S100A13: variants seen among roughly 807,000 people sequenced by gnomAD.
The protein encoded by S100A13 is protein S100-A13.
A neutral mutation model predicts 8.2 loss-of-function variants in S100A13; 6 were observed. That is an observed-to-expected ratio of 0.73 (90% CI 0.40 to 1.44). The LOEUF is 1.44. Ranked by LOEUF, S100A13 falls within the 40% of genes most tolerant of loss-of-function variation. S100A13 has a pLI of 0.02. For missense variants in S100A13, 114 were observed against 113.6 expected, an observed-to-expected ratio of 1.00 and a Z score of -0.02; for synonymous variants, 39 against 45.9, an observed-to-expected ratio of 0.85 and a Z score of 0.61.
intron 2 of S100A13, among the ~76,000 whole-genome samples, chr1:153,625,003 AGGCAGAGGT>A (rs1667517292): frequency 6.6e-6 from 1 of 152,158 alleles, no homozygotes; most frequent in African/African-American, 2.4e-5. Context: ...TGAACCCAGG[AGGCAGAGGT>A]TGCAGTGAGC....
At chr1:153,631,952 A>ACCCCAC (rs1668040673), upstream of S100A13, 14 of 1,118,792 alleles carry the variant, frequency 1.3e-5, no homozygotes, top group South Asian at 1.6e-5. Context: ...ACCCTTGCCC[A>ACCCCAC]CCCCACCCCC....
chr1:153,627,796 G>C (rs958414727), upstream of S100A13: 2 of 481,658 alleles, frequency 4.2e-6, no homozygotes, highest in African/African-American at 3.9e-5. Flanking sequence ...GTCTAATCAG[G>C]AGTGTGTATG....
intron 1 of S100A13, chr1:153,627,187 A>T (rs1383216203): frequency 1.3e-5 from 2 of 152,172 alleles, no homozygotes; most frequent in African/African-American, 4.8e-5. Context: ...GACCCCACAG[A>T]TCCTCCCCGC....
upstream of S100A13, chr1:153,630,385 G>C (rs3790411): frequency 0.56 from 677,100 of 1,209,234 alleles, 191,948 homozygotes; most frequent in Admixed American, 0.7. Context: ...ATCAATTGCA[G>C]TAGGGCTCTA....
At chr1:153,628,788 C>A, upstream of S100A13, 1 of 441,906 alleles carries the variant, frequency 2.3e-6, no homozygotes. Context: ...ACAGGGAGCC[C>A]TCAAGTCCCT....
At chr1:153,634,357 G>C (rs1668224335), upstream of S100A13, 1 of 153,060 alleles carries the variant, frequency 6.5e-6, no homozygotes, top group African/African-American at 2.4e-5. Context: ...AGTTTCGGTA[G>C]TGAGAAGGAG....
intron 2 of S100A13, among the ~76,000 whole-genome samples, chr1:153,620,151 G>A (rs1667142512): frequency 1.3e-5 from 2 of 152,080 alleles, no homozygotes; most frequent in Non-Finnish European, 2.9e-5. Flanking sequence ...GCCAGATATG[G>A]TGGTGGGAGC....
In S100A13 at chr1:153,620,000, A is replaced by C. The variant is rs561311689; in HGVS notation, c.154-962T>G. On this transcript the variant is annotated intron_variant, in intron 2 of 2. Transcript: ENST00000476133. Reference sequence around the variant, plus strand: ...AAATAAATAAGTATTAAGAAAGAAGAAGCAGGAAGGGTGCGGTGGCTCACG... The same window carrying C: ...AAATAAATAAGTATTAAGAAAGAAGCAGCAGGAAGGGTGCGGTGGCTCACG... Among the ~76,000 whole-genome samples, 19 of 152,284 alleles carry C rather than the reference A, an allele frequency of 1.2e-4. No individual in the cohort carries two copies. The East Asian group carries it at 2.5e-3, about 20-fold the overall frequency.
chr1:153,630,607 T>G, upstream of S100A13: 7 of 1,614,258 alleles, frequency 4.3e-6, no homozygotes, highest in Non-Finnish European at 5.9e-6. Context: ...AAGTACAAGC[T>G]GAGCAAGAAG....
chr1:153,623,209 G>T (rs1028503994), intron 2 of S100A13, among the ~76,000 whole-genome samples: 6 of 151,952 alleles, frequency 3.9e-5, no homozygotes, highest in African/African-American at 1.4e-4. Context: ...TTTTTGAGAC[G>T]GAGTCTCGCT....
upstream of S100A13, chr1:153,631,980 A>C: frequency 1.1e-6 from 1 of 907,768 alleles, no homozygotes; most frequent in South Asian, 1.7e-5. Flanking sequence ...CCAAGGGCGC[A>C]AGAGTAGCGG....
chr1:153,627,187 AT>A (rs1308297939), intron 1 of S100A13: 1 of 152,172 alleles, frequency 6.6e-6, no homozygotes, highest in Non-Finnish European at 1.5e-5. Context: ...GACCCCACAG[AT>A]CCTCCCCGCT....
chr1:153,634,291 T>G (rs1431079180), upstream of S100A13: 1 of 152,890 alleles, frequency 6.5e-6, no homozygotes, highest in South Asian at 2.1e-4. Flanking sequence ...CCGGCCCGCC[T>G]GCCGGAGCCG....
At chr1:153,619,166 T>A (rs909149974) in intron 2 of S100A13, 128 bp from the exon 3 acceptor site, 6 of 854,496 alleles carry the variant, frequency 7.0e-6, no homozygotes, top group Non-Finnish European at 1.1e-5. Context: ...CTGCCCCTTC[T>A]CTAAAGAAGG....
upstream of S100A13, chr1:153,631,249 G>A: frequency 1.7e-6 from 1 of 572,450 alleles, no homozygotes; most frequent in Non-Finnish European, 3.1e-6. Flanking sequence ...GGATACGGTA[G>A]AAAGTGCACC....
At chr1:153,631,676 T>C, upstream of S100A13, 2 of 1,614,080 alleles carry the variant, frequency 1.2e-6, no homozygotes, top group Non-Finnish European at 1.7e-6. Context: ...TACACCTCCC[T>C]CTTCCTCTCC....
In S100A13 at chr1:153,618,837, C is replaced by A. The variant is rs533112790; in HGVS notation, c.*58G>T. 2.6e-5 allele frequency: 40 copies of A among 1,526,732 alleles called. No homozygotes were observed. The Middle Eastern group carries it at 1.4e-3, about 54-fold the overall frequency. 94.6% of individuals were successfully genotyped at this position (1,526,732 alleles called of 1,614,324 possible). On this transcript the variant is annotated 3_prime_UTR_variant, in exon 3 of 3. Coordinates refer to ENST00000476133, the MANE Select transcript of S100A13 (RefSeq NM_001024211.2). Reference sequence around the variant, plus strand: ...GAGGAAGCTTTATTTGGGAAGAGTGCGGTTCTGCTCGGCCCTGATCAGCTC... The same window carrying A: ...GAGGAAGCTTTATTTGGGAAGAGTGAGGTTCTGCTCGGCCCTGATCAGCTC...
intron 2 of S100A13, among the ~76,000 whole-genome samples, chr1:153,621,577 A>C (rs1414330236): frequency 1.3e-5 from 2 of 151,780 alleles, no homozygotes; most frequent in Non-Finnish European, 2.9e-5. Flanking sequence ...GTTCAAGACC[A>C]GCCTGGCCAA....
upstream of S100A13, chr1:153,631,151 C>T (rs889904950): frequency 1.5e-5 from 5 of 331,602 alleles, no homozygotes; most frequent in Non-Finnish European, 2.8e-5. Context: ...GAATGTGGAG[C>T]ATGTCAGTAG....
Sources: gnomAD v4.1 joint callset for allele counts (sites outside exome capture counted in the v4.1 genomes callset) on GRCh38, gnomAD v4.1.1 for gene constraint, MANE v1.5 for transcripts, NCBI Gene and HGNC (gene_info 2026-07-23, HGNC 2026-07-21) for gene names.